The following UGT1A10 variants were observed in gnomAD, a reference collection of about 807,000 sequenced individuals.
UGT1A10 encodes UDP glucuronosyltransferase family 1 member A10, also known as UDP-glucuronosyltransferase 1A10.
In UGT1A10, 49 loss-of-function variants were observed where a neutral mutation model predicts 45.8. The ratio of observed to expected loss-of-function variants is 1.07; its 90% CI spans 0.85 to 1.36. The LOEUF (loss-of-function observed/expected upper bound fraction) is 1.36. Among genes scored for constraint, UGT1A10 ranks in the 40% most tolerant of loss-of-function variants. UGT1A10 has a pLI of 0.00. For missense variants in UGT1A10, 745 were observed against 668.6 expected (o/e 1.11, Z -1.26); for synonymous variants, 284 against 249.7 (o/e 1.14, Z -1.29).
intron 1 of UGT1A10, among the ~76,000 whole-genome samples, chr2:233,733,093 A>C (rs1291548117): frequency 1.3e-5 from 2 of 152,138 alleles, no homozygotes; most frequent in Non-Finnish European, 2.9e-5. Flanking sequence ...GAGTTCACTC[A>C]TGGTTTGGCT....
chr2:233,652,353 A>G (rs2073762044), intron 1 of UGT1A10, among the ~76,000 whole-genome samples: 2 of 152,182 alleles, frequency 1.3e-5, no homozygotes, highest in Non-Finnish European at 1.5e-5. Flanking sequence ...GTGTTACATA[A>G]TTTTCAATAT....
chr2:233,725,910 A>G (rs538515194), intron 1 of UGT1A10, among the ~76,000 whole-genome samples: 2 of 152,318 alleles, frequency 1.3e-5, no homozygotes, highest in East Asian at 3.9e-4. Context: ...TCACACCTGC[A>G]ATTTCAGCCC....
At chr2:233,739,922 C>T (rs28900073) in intron 1 of UGT1A10, among the ~76,000 whole-genome samples, 1 of 151,712 alleles carries the variant, frequency 6.6e-6, no homozygotes, top group Non-Finnish European at 1.5e-5. Flanking sequence ...TTTCCATAAT[C>T]CCCATGTGTT....
At chr2:233,729,281 A>G (rs2077829135) in intron 1 of UGT1A10, 2 of 1,614,144 alleles carry the variant, frequency 1.2e-6, no homozygotes. Context: ...CGGGAGCTCC[A>G]TGCCAGAGGC....
intron 1 of UGT1A10, among the ~76,000 whole-genome samples, chr2:233,705,032 A>G (rs1039287692): frequency 4.6e-5 from 7 of 151,844 alleles, no homozygotes; most frequent in Admixed American, 2.0e-4. Flanking sequence ...GCTACTCGGG[A>G]GGCTGAGGCA....
At chr2:233,724,310 G>A (rs1212736933) in intron 1 of UGT1A10, among the ~76,000 whole-genome samples, 12 of 140,982 alleles carry the variant, frequency 8.5e-5, no homozygotes, top group African/African-American at 1.3e-4. Context: ...CCTCCCTCCC[G>A]GACGGGGCGG....
At chr2:233,682,534 C>T (rs759740806) in intron 1 of UGT1A10, 53 of 1,613,770 alleles carry the variant, frequency 3.3e-5, no homozygotes, top group Admixed American at 2.0e-4. Flanking sequence ...GGTTCTCAGA[C>T]GCCATGACTT....
intron 1 of UGT1A10, among the ~76,000 whole-genome samples, chr2:233,682,969 C>G (rs943509920): frequency 1.8e-4 from 27 of 152,054 alleles, no homozygotes; most frequent in Admixed American, 1.2e-3. Flanking sequence ...TAAAGCAGCT[C>G]TTGTTGATAT....
chr2:233,743,781 A>C (rs757688108), intron 1 of UGT1A10: 2 of 1,366,938 alleles, frequency 1.5e-6, no homozygotes, highest in Non-Finnish European at 2.0e-6. Flanking sequence ...ACCTGCTTGA[A>C]TCTCCTCTCC....
At chr2:233,672,490 C>T (rs2074228954) in intron 1 of UGT1A10, 2 of 1,613,940 alleles carry the variant, frequency 1.2e-6, no homozygotes, top group Non-Finnish European at 1.7e-6. Flanking sequence ...GTGCCCTGCT[C>T]CTCTTTCCTA....
intron 1 of UGT1A10, among the ~76,000 whole-genome samples, chr2:233,695,119 C>G (rs542202742): frequency 1.7e-4 from 20 of 115,748 alleles, no homozygotes; most frequent in Non-Finnish European, 3.0e-4. Context: ...ATTAACCAAC[C>G]CTTTTCTTTT....
At chr2:233,651,537 A>G (rs1326646016) in intron 1 of UGT1A10, among the ~76,000 whole-genome samples, 1 of 152,180 alleles carries the variant, frequency 6.6e-6, no homozygotes, top group East Asian at 1.9e-4. Context: ...AAGGAAGGAA[A>G]ATTCTCAAAG....
At chr2:233,677,732 A>T (rs1575422243) in intron 1 of UGT1A10, among the ~76,000 whole-genome samples, 1 of 152,294 alleles carries the variant, frequency 6.6e-6, no homozygotes, top group Middle Eastern at 3.4e-3. Flanking sequence ...CTTGGTGGGA[A>T]TGCAAATTAG....
At chr2:233,664,137 A>T (rs6760588) in intron 1 of UGT1A10, among the ~76,000 whole-genome samples, 3 of 151,990 alleles carry the variant, frequency 2.0e-5, no homozygotes, top group Non-Finnish European at 4.4e-5. Context: ...CCTTTGCTCA[A>T]GTTCCAAATA....
chr2:233,692,873 A>G, intron 1 of UGT1A10: 2 of 1,491,190 alleles, frequency 1.3e-6, no homozygotes, highest in Middle Eastern at 2.5e-4. Flanking sequence ...ATCAAAGGGT[A>G]AAATTCAGAG....
At chr2:233,691,269 C>T (rs975477136) in intron 1 of UGT1A10, 1 of 985,424 alleles carries the variant, frequency 1.0e-6, no homozygotes, top group African/African-American at 1.7e-5. Context: ...TGCTGCCGCC[C>T]CCATGACTTT....
chr2:233,670,059 G>A (rs952623425), intron 1 of UGT1A10, among the ~76,000 whole-genome samples: 1 of 152,164 alleles, frequency 6.6e-6, no homozygotes, highest in Non-Finnish European at 1.5e-5. Context: ...ACCAATAACA[G>A]AAACAGTTGC....
chr2:233,672,780 G>A (rs767375950), intron 1 of UGT1A10: 28 of 1,613,032 alleles, frequency 1.7e-5, no homozygotes, highest in Admixed American at 3.3e-5. Flanking sequence ...AGGGAAAGCC[G>A]TTGCCTATGG....
chr2:233,688,522 A>AGTG (rs1190898140), intron 1 of UGT1A10, among the ~76,000 whole-genome samples: 1 of 151,956 alleles, frequency 6.6e-6, no homozygotes, highest in Non-Finnish European at 1.5e-5. Flanking sequence ...ATGCGCCTAG[A>AGTG]GTGGGTTTGA....
Sources: allele counts gnomAD v4.1 joint callset (sites outside exome capture counted in the v4.1 genomes callset), GRCh38; gene constraint gnomAD v4.1.1; transcripts MANE v1.5; gene names NCBI Gene and HGNC (gene_info 2026-07-23, HGNC 2026-07-21).